The following MIS18A variants were observed in gnomAD, a reference collection of about 807,000 sequenced individuals.
The protein encoded by MIS18A is protein Mis18-alpha.
In MIS18A, 14 loss-of-function variants were observed where a neutral mutation model predicts 25.0. That is an observed-to-expected ratio of 0.56 (90% CI 0.37 to 0.88). The LOEUF is 0.88. MIS18A is among the 40% of genes least tolerant of loss of function. The pLI, the probability that MIS18A is intolerant of heterozygous loss-of-function variation, is 0.00. For missense variants in MIS18A, 292 were observed against 290.8 expected, an observed-to-expected ratio of 1.00 and a Z score of -0.03; for synonymous variants, 134 against 118.6, an observed-to-expected ratio of 1.13 and a Z score of -0.84.
chr21:32,228,158 G>A, the MIS18A span, among the ~76,000 whole-genome samples: 2 of 152,162 alleles, frequency 1.3e-5, no homozygotes, highest in East Asian at 1.9e-4. Flanking sequence ...GCGCCATCAC[G>A]GCTCACTGCA....
At chr21:32,264,343 A>C (rs2031556299), downstream of MIS18A, among the ~76,000 whole-genome samples, 3 of 152,138 alleles carry the variant, frequency 2.0e-5, no homozygotes, top group South Asian at 6.2e-4. Flanking sequence ...CTGGGAAAAA[A>C]ATAAAGCCAA....
chr21:32,156,592 T>C, the MIS18A span: 1 of 152,232 alleles, frequency 6.6e-6, no homozygotes, highest in Non-Finnish European at 1.5e-5. Flanking sequence ...CTACCTTACA[T>C]AAAGCTTGTT....
chr21:32,201,646 C>T, the MIS18A span, among the ~76,000 whole-genome samples: 1 of 151,946 alleles, frequency 6.6e-6, no homozygotes, highest in Non-Finnish European at 1.5e-5. Context: ...TATAGTGAGC[C>T]CCTGTTTCTA....
the MIS18A span, among the ~76,000 whole-genome samples, chr21:32,183,152 T>TCA: frequency 1.3e-4 from 20 of 152,204 alleles, no homozygotes; most frequent in African/African-American, 4.6e-4. Flanking sequence ...ACACTTGTAC[T>TCA]CACACACACC....
chr21:32,175,568 G>A, the MIS18A span, among the ~76,000 whole-genome samples: 1 of 151,038 alleles, frequency 6.6e-6, no homozygotes, highest in Non-Finnish European at 1.5e-5. Flanking sequence ...CCAGCACTTT[G>A]GGAGGTCGAG....
the MIS18A span, among the ~76,000 whole-genome samples, chr21:32,218,292 G>GTGAT: frequency 6.6e-6 from 1 of 151,448 alleles, no homozygotes; most frequent in African/African-American, 2.4e-5. Flanking sequence ...TCCAGCTGAA[G>GTGAT]TGATAAGACA....
At chr21:32,186,346 A>G in the MIS18A span, among the ~76,000 whole-genome samples, 3 of 152,230 alleles carry the variant, frequency 2.0e-5, no homozygotes, top group Admixed American at 2.0e-4. Context: ...CAGGCATGCT[A>G]GCTTTGCCTT....
chr21:32,168,794 G>A, the MIS18A span, among the ~76,000 whole-genome samples: 1 of 152,124 alleles, frequency 6.6e-6, no homozygotes, highest in Non-Finnish European at 1.5e-5. Context: ...TCCTTTTAAA[G>A]CATAAAATGA....
the MIS18A span, among the ~76,000 whole-genome samples, chr21:32,174,423 A>T: frequency 6.6e-6 from 1 of 152,320 alleles, no homozygotes; most frequent in South Asian, 2.1e-4. Flanking sequence ...GGTAGACTTT[A>T]AGACAAGAAG....
At position 32,269,734 on chromosome 21, in the gene MIS18A, T is replaced by C; in HGVS notation, c.594A>G (p.Arg198=). The C allele has an allele frequency of 6.2e-7, 1 of 1,608,636 alleles. No homozygotes were observed. The highest frequency in any genetic ancestry group is 1.3e-5 in the African/African-American group (1 of 74,932). Residue 198 remains arginine (R), a synonymous_variant, in exon 4 of 5, where the codon AGA becomes AGG. Transcript: ENST00000290130. ...GTGTTAGAGACTTTTCTATTTCAACTCTGCTTTCAAGATTAAAAAGCTCTT... is the reference window on the plus strand; with the variant it reads ...GTGTTAGAGACTTTTCTATTTCAACCCTGCTTTCAAGATTAAAAAGCTCTT... The part of the protein sequence containing the change: ...EDKELFNLES[R]VEIEKSLTQM...
the MIS18A span, among the ~76,000 whole-genome samples, chr21:32,179,446 C>G: frequency 6.6e-6 from 1 of 152,072 alleles, no homozygotes; most frequent in Non-Finnish European, 1.5e-5. Flanking sequence ...CATGCACACA[C>G]ACACACAAGC....
chr21:32,277,344 CAAAT>C (rs1469424748), intron 1 of MIS18A, among the ~76,000 whole-genome samples: 3 of 152,146 alleles, frequency 2.0e-5, no homozygotes, highest in Admixed American at 1.3e-4. Context: ...TCGAAACAAA[CAAAT>C]AAAATGAAAG....
the MIS18A span, among the ~76,000 whole-genome samples, chr21:32,172,256 G>T: frequency 6.6e-6 from 1 of 152,046 alleles, no homozygotes; most frequent in Admixed American, 6.5e-5. Context: ...ATTAAAAATA[G>T]ATCTATCATA....
At chr21:32,243,428 G>A in the MIS18A span, among the ~76,000 whole-genome samples, 1 of 152,122 alleles carries the variant, frequency 6.6e-6, no homozygotes, top group African/African-American at 2.4e-5. Context: ...CAAAACACTA[G>A]AATAGGTGTG....
At chr21:32,258,987 C>T in the MIS18A span, among the ~76,000 whole-genome samples, 8 of 151,564 alleles carry the variant, frequency 5.3e-5, no homozygotes, top group Admixed American at 5.3e-4. Flanking sequence ...AGTCCTCTCA[C>T]TTCAGCCTCC....
chr21:32,211,254 T>C, the MIS18A span, among the ~76,000 whole-genome samples: 2 of 152,186 alleles, frequency 1.3e-5, no homozygotes, highest in Non-Finnish European at 2.9e-5. Context: ...TTGGTCAGGC[T>C]GGTCTCGAAC....
At chr21:32,278,352 T>C (rs889386930) in intron 1 of MIS18A, 8 of 358,022 alleles carry the variant, frequency 2.2e-5, no homozygotes, top group Admixed American at 9.1e-5. Flanking sequence ...GCTTACAGTC[T>C]AGTTGACCAT....
chr21:32,157,223 A>ATTTTTT, the MIS18A span, among the ~76,000 whole-genome samples: 3 of 72,334 alleles, frequency 4.1e-5, no homozygotes, highest in Non-Finnish European at 7.1e-5. Flanking sequence ...TACCCGGCTA[A>ATTTTTT]TTTTTTTTTT....
chr21:32,160,714 C>T, the MIS18A span, among the ~76,000 whole-genome samples: 3 of 151,786 alleles, frequency 2.0e-5, no homozygotes, highest in Non-Finnish European at 4.4e-5. Context: ...TCACCGCAAC[C>T]TCCGCTTCCC....
Sources: gnomAD v4.1 joint callset for allele counts (sites outside exome capture counted in the v4.1 genomes callset) on GRCh38, gnomAD v4.1.1 for gene constraint, MANE v1.5 for transcripts, NCBI Gene and HGNC (gene_info 2026-07-23, HGNC 2026-07-21) for gene names.